GRID2: variants seen among roughly 807,000 people sequenced by gnomAD.
GRID2 encodes the protein glutamate receptor ionotropic, delta-2.
GRID2 carries 33 observed loss-of-function variants against 114.8 expected under a neutral mutation model. The ratio of observed to expected loss-of-function variants is 0.29; its 90% CI spans 0.22 to 0.38. GRID2 has a LOEUF of 0.38. Among genes scored for constraint, GRID2 ranks in the 10% least tolerant of loss-of-function variants. The probability of loss-of-function intolerance (pLI) is 1.00; values close to 1 mark genes in which losing one functional copy is unlikely to be tolerated. For missense variants in GRID2, 1,184 were observed against 1,257.7 expected (o/e 0.94, Z 0.89); for synonymous variants, 505 against 449.9 (o/e 1.12, Z -1.55).
intron 4 of GRID2, among the ~76,000 whole-genome samples, chr4:93,147,098 C>G (rs921095103): frequency 6.6e-6 from 1 of 151,992 alleles, no homozygotes; most frequent in African/African-American, 2.4e-5. Context: ...AATTTTTTAA[C>G]GTACTTATAA....
At chr4:92,477,409 T>G (rs1423758046) in intron 1 of GRID2, among the ~76,000 whole-genome samples, 6 of 151,958 alleles carry the variant, frequency 3.9e-5, no homozygotes, top group Admixed American at 3.9e-4. Flanking sequence ...AGTGACCCAG[T>G]TTTTGACATA....
chr4:93,177,453 C>G (rs1477709910), intron 4 of GRID2, among the ~76,000 whole-genome samples: 1 of 152,020 alleles, frequency 6.6e-6, no homozygotes, highest in African/African-American at 2.4e-5. Flanking sequence ...GGAGGCTTAG[C>G]CTGCTTAAGT....
At chr4:93,675,674 T>G (rs76832867) in intron 14 of GRID2, among the ~76,000 whole-genome samples, 6,385 of 152,302 alleles carry the variant, frequency 0.042, 152 homozygotes, top group African/African-American at 0.071. Context: ...CTAACCACTT[T>G]GCTCTACTAT....
intron 1 of GRID2, among the ~76,000 whole-genome samples, chr4:93,794,527 A>G (rs1381847496): frequency 2.6e-5 from 4 of 152,050 alleles, no homozygotes; most frequent in Non-Finnish European, 5.9e-5. Flanking sequence ...TTCATGGCCA[A>G]TGAGTCTGTT....
At chr4:92,997,573 G>A (rs1755280821) in intron 2 of GRID2, among the ~76,000 whole-genome samples, 1 of 152,136 alleles carries the variant, frequency 6.6e-6, no homozygotes, top group Admixed American at 6.6e-5. Flanking sequence ...GGTAGCTGAG[G>A]GAAGTTGAAG....
At chr4:93,234,928 A>G (rs17020271) in intron 7 of GRID2, among the ~76,000 whole-genome samples, 13,608 of 152,104 alleles carry the variant, frequency 0.089, 716 homozygotes, top group East Asian at 0.25. Flanking sequence ...TTAGACGAGT[A>G]TGATAAATAT....
chr4:93,286,700 T>G (rs1171885737), intron 8 of GRID2, among the ~76,000 whole-genome samples: 111 of 145,812 alleles, frequency 7.6e-4, no homozygotes, highest in African/African-American at 2.3e-3. Flanking sequence ...TGGGGGTGTG[T>G]GTGTGTGTGT....
At chr4:92,609,269 ATTAAT>A (rs1369719658) in intron 2 of GRID2, among the ~76,000 whole-genome samples, 2 of 151,752 alleles carry the variant, frequency 1.3e-5, no homozygotes, top group Admixed American at 6.6e-5. Context: ...TTAAGTTTTC[ATTAAT>A]TTAATTAATG....
chr4:93,281,402 A>G (rs11937716), intron 8 of GRID2, among the ~76,000 whole-genome samples: 106,980 of 151,286 alleles, frequency 0.71, 38,829 homozygotes, highest in African/African-American at 0.86. Flanking sequence ...GAGAAAAAAC[A>G]GGGAGAGAAC....
intron 4 of GRID2, among the ~76,000 whole-genome samples, chr4:93,124,105 A>AC (rs1560904040): frequency 1.1e-5 from 1 of 87,410 alleles, no homozygotes; most frequent in Non-Finnish European, 2.2e-5. Context: ...TTAAAGTATA[A>AC]TAAAAAAAAA....
In GRID2 at chr4:93,333,918, A is replaced by T. The variant is rs139786174; in HGVS notation, c.1246-61689A>T. Among the ~76,000 whole-genome samples, 549 of 152,314 alleles carry T rather than the reference A, an allele frequency of 3.6e-3. 7 individuals carry two copies. Among genetic ancestry groups the T allele is most frequent in the African/African-American group, 0.013 (522 of 41,562 alleles). On this transcript the variant is annotated intron_variant, in intron 8 of 15. Transcript: ENST00000282020. The stretch of plus-strand genomic sequence containing the variant: ...GATCCAGTAACTTAATAATAATAGC[A>T]TCATTTCTTGTGGGGGAAAATTTAC...
chr4:93,270,954 G>T (rs1751396929), intron 8 of GRID2, among the ~76,000 whole-genome samples: 1 of 152,068 alleles, frequency 6.6e-6, no homozygotes, highest in Admixed American at 6.6e-5. Context: ...CTATAGGTTG[G>T]AGGACTCAGA....
intron 2 of GRID2, among the ~76,000 whole-genome samples, chr4:92,653,360 T>C (rs1732069289): frequency 6.6e-6 from 1 of 151,104 alleles, no homozygotes; most frequent in Non-Finnish European, 1.5e-5. Flanking sequence ...TGTGTGTTTG[T>C]AATTGTTTTC....
At chr4:92,477,648 A>T (rs1049985891) in intron 1 of GRID2, among the ~76,000 whole-genome samples, 13 of 150,980 alleles carry the variant, frequency 8.6e-5, no homozygotes, top group Non-Finnish European at 1.5e-4. Flanking sequence ...ATTTGGTTTT[A>T]ATATATATAT....
chr4:92,705,836 T>C (rs1734929232), intron 2 of GRID2, among the ~76,000 whole-genome samples: 1 of 152,230 alleles, frequency 6.6e-6, no homozygotes, highest in South Asian at 2.1e-4. Flanking sequence ...TTTGTCCTGC[T>C]GTATCACCTT....
intron 2 of GRID2, among the ~76,000 whole-genome samples, chr4:92,808,094 G>A (rs1740502235): frequency 6.6e-6 from 1 of 152,022 alleles, no homozygotes; most frequent in South Asian, 2.1e-4. Context: ...GCAGGAGAGA[G>A]ATTTTTTGGT....
chr4:92,787,772 T>A (rs947060763), intron 2 of GRID2, among the ~76,000 whole-genome samples: 3 of 151,820 alleles, frequency 2.0e-5, no homozygotes, highest in Admixed American at 1.3e-4. Flanking sequence ...AAGAAAATGA[T>A]TGAGAGGTGT....
chr4:93,508,040 G>A (rs972953566), intron 12 of GRID2, among the ~76,000 whole-genome samples: 3 of 152,008 alleles, frequency 2.0e-5, no homozygotes, highest in Non-Finnish European at 2.9e-5. Flanking sequence ...ATAGCATTAG[G>A]AGATATACCT....
chr4:93,280,271 G>T (rs1752515010), intron 8 of GRID2, among the ~76,000 whole-genome samples: 1 of 151,844 alleles, frequency 6.6e-6, no homozygotes, highest in African/African-American at 2.4e-5. Context: ...CATTGCACTG[G>T]TCAACACGTT....
Sources: allele counts gnomAD v4.1 joint callset (sites outside exome capture counted in the v4.1 genomes callset), GRCh38; gene constraint gnomAD v4.1.1; transcripts MANE v1.5; gene names NCBI Gene and HGNC (gene_info 2026-07-23, HGNC 2026-07-21).